The following RAPGEF1 variants were observed in gnomAD, a reference collection of about 807,000 sequenced individuals.
RAPGEF1 encodes the protein Rap guanine nucleotide exchange factor 1.
Under a neutral mutation model 143.3 loss-of-function variants are expected in RAPGEF1, and 33 were observed. The ratio of observed to expected loss-of-function variants is 0.23; its 90% CI spans 0.17 to 0.31. The LOEUF is 0.31. Among genes scored for constraint, RAPGEF1 ranks in the 10% least tolerant of loss-of-function variants. The probability of loss-of-function intolerance (pLI) is 1.00; values close to 1 mark genes in which losing one functional copy is unlikely to be tolerated. For missense variants in RAPGEF1, 1,199 were observed against 1,645.4 expected (o/e 0.73, Z 4.69); for synonymous variants, 629 against 676.5 (o/e 0.93, Z 1.09).
intron 1 of RAPGEF1, among the ~76,000 whole-genome samples, chr9:131,686,815 G>A (rs983411423): frequency 1.3e-5 from 2 of 152,204 alleles, no homozygotes; most frequent in Non-Finnish European, 2.9e-5. Context: ...TGCTGATGAA[G>A]TAAGAAACCG....
chr9:131,602,027 C>A (rs767661077), intron 15 of RAPGEF1, 34 bp downstream of exon 15: 1 of 1,535,606 alleles, frequency 6.5e-7, no homozygotes, highest in South Asian at 1.2e-5. Context: ...GCACTGCTCT[C>A]GGGGGACCCA....
At chr9:131,718,031 A>C (rs1260997676) in intron 1 of RAPGEF1, among the ~76,000 whole-genome samples, 2 of 152,170 alleles carry the variant, frequency 1.3e-5, no homozygotes, top group East Asian at 3.8e-4. Flanking sequence ...TATCAATGAG[A>C]AACTGATTTT....
intron 1 of RAPGEF1, among the ~76,000 whole-genome samples, chr9:131,658,909 C>T (rs1379145049): frequency 6.6e-6 from 1 of 152,190 alleles, no homozygotes; most frequent in Non-Finnish European, 1.5e-5. Context: ...CAGCTGGGTT[C>T]CCAACTTAGC....
chr9:131,700,514 G>A (rs1834550443), intron 1 of RAPGEF1, among the ~76,000 whole-genome samples: 1 of 152,096 alleles, frequency 6.6e-6, no homozygotes, highest in African/African-American at 2.4e-5. Flanking sequence ...TCCTCATTAG[G>A]TATCCCCCGT....
At chr9:131,586,767 C>A (rs1265992262) in intron 22 of RAPGEF1, among the ~76,000 whole-genome samples, 1 of 122,042 alleles carries the variant, frequency 8.2e-6, no homozygotes, top group Non-Finnish European at 1.7e-5. Flanking sequence ...CCGTCTCACA[C>A]ACACACCTGC....
chr9:131,614,561 G>C (rs781781090), intron 12 of RAPGEF1, among the ~76,000 whole-genome samples: 26 of 152,252 alleles, frequency 1.7e-4, no homozygotes, highest in Non-Finnish European at 3.4e-4. Flanking sequence ...GAGTGAGTGA[G>C]AGGCAGATGA....
rs147614364 is a variant in RAPGEF1 at position 131,584,285 on chromosome 9, C to A, written c.3414+26G>T. Reference sequence around the variant, plus strand: ...GGCGGCCCCCCTTACCAGCCACCCTCCCGCCCACGCCCCAAGGCCACTCAC... The same window carrying A: ...GGCGGCCCCCCTTACCAGCCACCCTACCGCCCACGCCCCAAGGCCACTCAC... On this transcript the variant is annotated intron_variant, in intron 24 of 26. Transcript: ENST00000683357. This position sits in a 1 kb window ranked among gnomAD's most constrained non-coding sequence, Gnocchi z 6.8. 1.1e-3 allele frequency: 1,708 copies of A among 1,569,274 alleles called. 17 individuals carry two copies. In the African/African-American group the frequency reaches 0.02, roughly 19 times the overall value.
chr9:131,586,285 C>CACACACA (rs1952767956), intron 22 of RAPGEF1, among the ~76,000 whole-genome samples: 4 of 126,828 alleles, frequency 3.2e-5, no homozygotes, highest in African/African-American at 8.9e-5. Context: ...CACACACACA[C>CACACACA]CTGCAGAGCC....
rs186645313 is a variant in RAPGEF1, at chr9:131,592,985, C to G, written c.2690-802G>C. 3.4e-3 allele frequency among the ~76,000 whole-genome samples: 511 copies of G among 152,336 alleles called. 4 individuals are homozygous for G. The highest frequency in any genetic ancestry group is 0.012 in the African/African-American group (491 of 41,574). ...CTCAAACTCTTGGCCTCAAGTGATT[C>G]ACTCAGCTTGGCCTCCCAAAGTGCT... On this transcript the variant is annotated intron_variant, in intron 17 of 26. Transcript: ENST00000683357.
At chr9:131,618,717 T>G (rs1959662334) in intron 12 of RAPGEF1, among the ~76,000 whole-genome samples, 1 of 152,214 alleles carries the variant, frequency 6.6e-6, no homozygotes, top group South Asian at 2.1e-4. Flanking sequence ...CCTGGCTATA[T>G]TCCTTTTTAA....
chr9:131,634,713 CAAAAAAAAAAAAA>C (rs35405559), intron 5 of RAPGEF1, among the ~76,000 whole-genome samples: 4 of 61,222 alleles, frequency 6.5e-5, no homozygotes, highest in Non-Finnish European at 8.1e-5. Context: ...GACTCCGTCT[CAAAAAAAAAAAAA>C]AAAAAAAAAA....
At chr9:131,730,178 A>T in intron 1 of RAPGEF1, among the ~76,000 whole-genome samples, 1 of 126,842 alleles carries the variant, frequency 7.9e-6, no homozygotes. Flanking sequence ...TGGGCAACAG[A>T]GCGAGACTCC....
chr9:131,727,302 G>T (rs958475303), intron 1 of RAPGEF1, among the ~76,000 whole-genome samples: 1 of 152,146 alleles, frequency 6.6e-6, no homozygotes, highest in Non-Finnish European at 1.5e-5. Context: ...TATAGTAGTG[G>T]GAATTTACGG....
At position 131,621,051 on chromosome 9, in the gene RAPGEF1, C is replaced by T. The variant is rs1960822324; in HGVS notation, c.1905+745G>A. Among the ~76,000 whole-genome samples the T allele has an allele frequency of 6.6e-6, 1 of 152,210 alleles. No homozygotes were observed. Among genetic ancestry groups the T allele is most frequent in the Non-Finnish European group, 1.5e-5 (1 of 68,036 alleles). On this transcript the variant is annotated intron_variant, in intron 11 of 26. Coordinates refer to ENST00000683357, the MANE Select transcript of RAPGEF1 (RefSeq NM_001377935.1). This position sits in a 1 kb window ranked among gnomAD's most constrained non-coding sequence, Gnocchi z 4.5. ...CTCAGATCTTCAAACCTGACTAGGGCCCTCCATGTTCATTAACTGGCAGCA... is the reference window on the plus strand; with the variant it reads ...CTCAGATCTTCAAACCTGACTAGGGTCCTCCATGTTCATTAACTGGCAGCA...
intron 1 of RAPGEF1, among the ~76,000 whole-genome samples, chr9:131,726,397 C>T (rs893046048): frequency 2.0e-5 from 3 of 152,006 alleles, no homozygotes; most frequent in Non-Finnish European, 4.4e-5. Flanking sequence ...GAGGCTGAGG[C>T]GGGCAGATCA....
intron 1 of RAPGEF1, among the ~76,000 whole-genome samples, chr9:131,728,859 T>A (rs1440340342): frequency 1.3e-5 from 2 of 152,246 alleles, no homozygotes; most frequent in Admixed American, 1.3e-4. Flanking sequence ...TCTGATTAAA[T>A]GCTTATGTAC....
chr9:131,709,145 A>G (rs1396891336), intron 1 of RAPGEF1, among the ~76,000 whole-genome samples: 1 of 152,172 alleles, frequency 6.6e-6, no homozygotes, highest in East Asian at 1.9e-4. Context: ...TCAGGAGTTC[A>G]AGACCAGCCT....
chr9:131,715,833 C>T (rs982759211), intron 1 of RAPGEF1, among the ~76,000 whole-genome samples: 1 of 147,690 alleles, frequency 6.8e-6, no homozygotes, highest in Non-Finnish European at 1.5e-5. Flanking sequence ...CCACTGCACT[C>T]CAGCCTGGTG....
chr9:131,664,722 T>C (rs149969445), intron 1 of RAPGEF1, among the ~76,000 whole-genome samples: 35 of 152,360 alleles, frequency 2.3e-4, no homozygotes, highest in East Asian at 1.3e-3. Flanking sequence ...ATATATCCTG[T>C]GATGGGCATA....
Sources: gnomAD v4.1 joint callset for allele counts (sites outside exome capture counted in the v4.1 genomes callset) on GRCh38, gnomAD v4.1.1 for gene constraint, Gnocchi (gnomAD v3.1) non-coding constraint, MANE v1.5 for transcripts, NCBI Gene and HGNC (gene_info 2026-07-23, HGNC 2026-07-21) for gene names.